The following PPP1R12A variants were observed in gnomAD, a reference collection of about 807,000 sequenced individuals.
PPP1R12A encodes myosin binding subunit.
Under a neutral mutation model 139.6 loss-of-function variants are expected in PPP1R12A, and 19 were observed. The observed-to-expected ratio is 0.14, with a 90% CI of 0.09 to 0.20. PPP1R12A has a LOEUF of 0.20. PPP1R12A is among the 10% of genes least tolerant of loss of function. The pLI is 1.00. For synonymous variants in PPP1R12A, 427 were observed against 420.6 expected, an observed-to-expected ratio of 1.02 and a Z score of -0.19; for missense variants, 925 against 1,211.5, an observed-to-expected ratio of 0.76 and a Z score of 3.51.
chr12:79,934,740 G>A lies in PPP1R12A; in HGVS notation c.192C>T (p.Ala64=). The change falls in exon 1 of 25, where the codon GCC becomes GCT. Residue 64 remains alanine (A), a synonymous_variant. Coordinates refer to ENST00000450142, the MANE Select transcript of PPP1R12A (RefSeq NM_002480.3). ...DEVLKLLHRG[A]DINYANVDGL... is the part of the protein sequence containing the mutation. ...CGTCCACATTGGCGTAATTGATGTC[G>A]GCGCCGCGGTGCAGCAGCTTGAGGA... 2.6e-6 allele frequency: 4 copies of A among 1,550,014 alleles called. No individual in the cohort carries two copies. The highest frequency in any genetic ancestry group is 3.5e-6 in the Non-Finnish European group (4 of 1,146,058).
chr12:79,841,732 A>C (rs867265736), intron 3 of PPP1R12A, among the ~76,000 whole-genome samples: 1 of 152,198 alleles, frequency 6.6e-6, no homozygotes, highest in Non-Finnish European at 1.5e-5. Context: ...TTATCTGAGC[A>C]CTCATCACAG....
At chr12:79,884,461 C>T (rs1883924273) in intron 1 of PPP1R12A, among the ~76,000 whole-genome samples, 1 of 152,072 alleles carries the variant, frequency 6.6e-6, no homozygotes, top group Admixed American at 6.6e-5. Flanking sequence ...TATCATATAT[C>T]AATCTCAAAT....
chr12:79,826,545 G>A (rs1876797823), intron 5 of PPP1R12A, among the ~76,000 whole-genome samples: 1 of 151,820 alleles, frequency 6.6e-6, no homozygotes, highest in African/African-American at 2.4e-5. Context: ...CTGAAATATC[G>A]AATGACAGAT....
In PPP1R12A at chr12:79,773,938, T is replaced by A. The variant is rs1869490091; in HGVS notation, c.*1991A>T. ...GGTCTGCTCAATACTACCAATAAAATCAATATAGCACAGTAGCTGTTCAGT... is the reference window on the plus strand; with the variant it reads ...GGTCTGCTCAATACTACCAATAAAAACAATATAGCACAGTAGCTGTTCAGT... On this transcript the variant is annotated 3_prime_UTR_variant, in exon 25 of 25. Transcript: ENST00000450142. 6.6e-6 allele frequency: 1 copy of A among 152,146 alleles called. No homozygotes were observed. The highest frequency in any genetic ancestry group is 1.5e-5 in the Non-Finnish European group (1 of 68,010). 9.4% of individuals were successfully genotyped at this position (152,146 alleles called of 1,614,324 possible).
chr12:79,926,072 T>C (rs535473079), intron 1 of PPP1R12A, among the ~76,000 whole-genome samples: 52 of 152,140 alleles, frequency 3.4e-4, no homozygotes, highest in African/African-American at 1.0e-3. Flanking sequence ...AGAGATTACT[T>C]TTCTAAATGA....
chr12:79,815,174 T>C (rs1235917321), intron 9 of PPP1R12A, among the ~76,000 whole-genome samples: 3 of 151,992 alleles, frequency 2.0e-5, no homozygotes, highest in African/African-American at 7.2e-5. Context: ...AAAAAGAAAA[T>C]TGAACACAGG....
intron 11 of PPP1R12A, among the ~76,000 whole-genome samples, 189 bp from the exon 12 acceptor site, chr12:79,807,519 C>A (rs1873979033): frequency 6.6e-6 from 1 of 151,658 alleles, no homozygotes; most frequent in African/African-American, 2.4e-5. Context: ...AATTTTTCCC[C>A]TAAGTATGGG....
At chr12:79,818,226 C>T (rs1353504182) in intron 8 of PPP1R12A, among the ~76,000 whole-genome samples, 1 of 152,104 alleles carries the variant, frequency 6.6e-6, no homozygotes, top group African/African-American at 2.4e-5. Flanking sequence ...ATAAGATAAA[C>T]CCCATGTACC....
rs1869637691 is a variant in PPP1R12A, at chr12:79,775,708, G to A, written c.*221C>T. On this transcript the variant is annotated 3_prime_UTR_variant, in exon 25 of 25. Transcript: ENST00000450142. ...AGCAGCTGCATTAACATGAAACAAT[G>A]GTCTTGATTAAAAAAAAAAAACAAA... The A allele has an allele frequency of 7.0e-6, 2 of 285,924 alleles. No homozygotes were observed. The highest frequency in any genetic ancestry group is 1.2e-5 in the Non-Finnish European group (2 of 170,768). 17.7% of individuals were successfully genotyped at this position (285,924 alleles called of 1,614,324 possible).
At position 79,805,693 on chromosome 12, in the gene PPP1R12A, A is replaced by G; in HGVS notation, c.1899T>C (p.Pro633=). Reference sequence around the variant, plus strand: ...CAGCATTTACAACAGTTGGAGCAACAGGAATGGTCACTGCCGTAGGAACAC... The same window carrying G: ...CAGCATTTACAACAGTTGGAGCAACGGGAATGGTCACTGCCGTAGGAACAC... The part of the protein sequence containing the change: ...KDSVPTAVTI[P]VAPTVVNAAA... The change falls in exon 14 of 25, where the codon CCT becomes CCC. Residue 633 remains proline (P), a synonymous_variant. Coordinates refer to ENST00000450142, the MANE Select transcript of PPP1R12A (RefSeq NM_002480.3). 6.2e-6 allele frequency: 10 copies of G among 1,613,672 alleles called. No homozygotes were observed. The highest frequency in any genetic ancestry group is 8.5e-6 in the Non-Finnish European group (10 of 1,179,686).
intron 1 of PPP1R12A, among the ~76,000 whole-genome samples, chr12:79,890,895 CCACACCCACCCACACACACA>C (rs935903369): frequency 4.8e-5 from 5 of 104,530 alleles, no homozygotes; most frequent in East Asian, 2.9e-4. Context: ...CACCACCCAC[CCACACCCACCCACACACACA>C]CACACACACA....
chr12:79,856,190 T>C (rs1194332914), intron 2 of PPP1R12A, among the ~76,000 whole-genome samples: 1 of 152,124 alleles, frequency 6.6e-6, no homozygotes, highest in African/African-American at 2.4e-5. Context: ...TGCATCACCA[T>C]CAAAGGACAA....
chr12:79,777,001 G>T, intron 24 of PPP1R12A: 1 of 303,530 alleles, frequency 3.3e-6, no homozygotes, highest in Non-Finnish European at 4.8e-6. Context: ...GTTCTTATCT[G>T]TGTTCAGAAT....
chr12:79,906,178 C>G (rs1886093072), intron 1 of PPP1R12A, among the ~76,000 whole-genome samples: 1 of 151,550 alleles, frequency 6.6e-6, no homozygotes. Context: ...AACCTAGAAA[C>G]AGAATTGGAA....
upstream of PPP1R12A, chr12:79,935,154 C>G: frequency 7.4e-7 from 1 of 1,344,272 alleles, no homozygotes; most frequent in Non-Finnish European, 9.5e-7. Context: ...CCCTCCCGCC[C>G]CCAGCACGGC....
chr12:79,877,642 G>A (rs1445053762), intron 1 of PPP1R12A, among the ~76,000 whole-genome samples: 2 of 151,984 alleles, frequency 1.3e-5, no homozygotes, highest in East Asian at 3.9e-4. Context: ...CAGCCTCCTA[G>A]GTAGCTGGAA....
rs1393345749 is a variant in PPP1R12A at position 79,781,804 on chromosome 12, G to A, written c.2955+11C>T. The A allele has an allele frequency of 6.7e-7, 1 of 1,482,440 alleles. No homozygotes were observed. The highest frequency in any genetic ancestry group is 2.1e-5 in the Admixed American group (1 of 48,020). The allele number at this position is 1,482,440 out of a possible 1,614,324, so 91.8% of individuals were successfully genotyped here. A position where few individuals can be genotyped will look rare whatever the true frequency, so the allele number is the denominator to read the frequency against. ...AGAAAAAAATAATTATTTAATAAGT[G>A]GGACACTTACCCTTTTTTCCATTTC... On this transcript the variant is annotated intron_variant, in intron 23 of 24. Coordinates refer to ENST00000450142, the MANE Select transcript of PPP1R12A (RefSeq NM_002480.3).
At chr12:79,843,074 T>C (rs992875425) in intron 3 of PPP1R12A, among the ~76,000 whole-genome samples, 1 of 152,186 alleles carries the variant, frequency 6.6e-6, no homozygotes, top group Admixed American at 6.5e-5. Flanking sequence ...CTGGCTTATG[T>C]CACTTACCAT....
At chr12:79,827,908 C>G (rs1388741796) in intron 5 of PPP1R12A, among the ~76,000 whole-genome samples, 1 of 152,114 alleles carries the variant, frequency 6.6e-6, no homozygotes, top group African/African-American at 2.4e-5. Context: ...TATAAGCAAG[C>G]TAAAAGACCA....
Sources: allele counts gnomAD v4.1 joint callset (sites outside exome capture counted in the v4.1 genomes callset), GRCh38; gene constraint gnomAD v4.1.1; transcripts MANE v1.5; gene names NCBI Gene and HGNC (gene_info 2026-07-23, HGNC 2026-07-21).